Variants in PHKG1 observed in about 807,000 individuals in gnomAD.
The protein encoded by PHKG1 is phosphorylase b kinase gamma catalytic chain, skeletal muscle/heart isoform.
A neutral mutation model predicts 50.5 loss-of-function variants in PHKG1; 48 were observed. The ratio of observed to expected loss-of-function variants is 0.95; its 90% CI spans 0.75 to 1.21. PHKG1 has a LOEUF of 1.21. Ranked by LOEUF, PHKG1 falls within the 50% of genes most tolerant of loss-of-function variation. The pLI is 0.00. For missense variants in PHKG1, 487 were observed against 519.5 expected (o/e 0.94, Z 0.61); for synonymous variants, 204 against 212.8 (o/e 0.96, Z 0.36).
chr7:56,086,161 G>A lies in PHKG1; in HGVS notation c.317+809C>T, dbSNP rs1796240797. On this transcript the variant is annotated intron_variant, in intron 4 of 9. Transcript: ENST00000297373. ...GACCACTCGGTCTAAGGAAGCCCCT[G>A]TCTCTTGCTAACCCCTTGTTCTACT... Among the ~76,000 whole-genome samples the A allele has an allele frequency of 3.3e-5, 5 of 151,534 alleles. No individual in the cohort carries two copies. The Admixed American group carries it at 3.3e-4, about 10-fold the overall frequency.
intron 6 of PHKG1, 23 bp downstream of exon 6, chr7:56,083,255 G>A: frequency 6.2e-7 from 1 of 1,611,394 alleles, no homozygotes. Context: ...GCCTGGACGT[G>A]GGCCAAGGCC....
At chr7:56,089,210 C>T (rs150827180) in intron 1 of PHKG1, among the ~76,000 whole-genome samples, 2,896 of 152,160 alleles carry the variant, frequency 0.019, 54 homozygotes, top group Admixed American at 0.049. Flanking sequence ...TCGAGACCAG[C>T]CTGGCCAACA....
chr7:56,084,136 C>G, intron 4 of PHKG1: 1 of 1,463,622 alleles, frequency 6.8e-7, no homozygotes, highest in Non-Finnish European at 9.2e-7. Context: ...GCTGGTGGCC[C>G]TGTGAGCAGT....
intron 4 of PHKG1, among the ~76,000 whole-genome samples, chr7:56,086,147 C>G (rs1796240326): frequency 6.6e-6 from 1 of 151,594 alleles, no homozygotes; most frequent in Non-Finnish European, 1.5e-5. Context: ...ACCACTCGGT[C>G]TAAGGAAGCC....
At chr7:56,088,803 C>G (rs1796378366) in intron 2 of PHKG1, 56 bp downstream of exon 2, 2 of 1,237,548 alleles carry the variant, frequency 1.6e-6, no homozygotes, top group African/African-American at 2.9e-5. Context: ...TGGCTGTAGC[C>G]CACAGGGTCT....
Position 56,081,808 on chromosome 7 carries a change from A to G in PHKG1, c.793-53T>C, listed in dbSNP as rs1326583246. ...AATGTCAAGGCAGGTCCCCTCCAGC[A>G]TGTCAGGAAAGGCAGGGCCTCCCCG... On this transcript the variant is annotated intron_variant, in intron 8 of 9. Transcript: ENST00000297373. This position sits in a 1 kb window ranked among gnomAD's most constrained non-coding sequence, Gnocchi z 4.6. 4 of 1,608,706 alleles carry G rather than the reference A, an allele frequency of 2.5e-6. No individual in the cohort carries two copies. In the African/African-American group the frequency reaches 5.3e-5, roughly 22 times the overall value.
At position 56,083,623 on chromosome 7, in the gene PHKG1, CGGAGA is replaced by C. The variant is rs530706752; in HGVS notation, c.383+22_383+26del. On this transcript the variant is annotated intron_variant, in intron 5 of 9. Transcript: ENST00000297373. ...TGGCCCTAAGCCACGTGGGAGGGAG[CGGAGA>C]GAAGGGCAAAGGGACCCTCACCTGG... 1.5e-3 allele frequency: 2,343 copies of C among 1,565,030 alleles called. 2 individuals are homozygous for C. The highest frequency in any genetic ancestry group is 1.5e-3 in the Non-Finnish European group (1,738 of 1,147,598).
chr7:56,084,681 C>A (rs1018008768), intron 4 of PHKG1, among the ~76,000 whole-genome samples: 1 of 151,938 alleles, frequency 6.6e-6, no homozygotes, highest in African/African-American at 2.4e-5. Context: ...CCGAGTATCC[C>A]GATTTTTTCC....
rs1331827191 is a variant in PHKG1 at position 56,083,444 on chromosome 7, A to T, written c.384-3T>A. On this transcript the variant is annotated splice_polypyrimidine_tract_variant and splice_region_variant and intron_variant, in intron 5 of 9. Coordinates refer to ENST00000297373, the MANE Select transcript of PHKG1 (RefSeq NM_006213.5). ...CCAGCAGAGCTCGCATGATCTTTCT[A>T]GGGTGGGGCACACACTTGTTACTCT... The T allele has an allele frequency of 6.2e-7, 1 of 1,614,030 alleles. No individual in the cohort carries two copies. Among genetic ancestry groups the T allele is most frequent in the South Asian group, 1.1e-5 (1 of 91,084 alleles).
chr7:56,083,640 G>A lies in PHKG1; in HGVS notation c.383+10C>T, dbSNP rs1244582233. ...GGAGGGAGCGGAGAGAAGGGCAAAG[G>A]GACCCTCACCTGGTTTCCTTCTCAC... On this transcript the variant is annotated intron_variant, in intron 5 of 9. Transcript: ENST00000297373. The A allele has an allele frequency of 6.3e-7, 1 of 1,577,838 alleles. No homozygotes were observed. Among genetic ancestry groups the A allele is most frequent in the Admixed American group, 1.8e-5 (1 of 55,492 alleles).
Position 56,088,845 on chromosome 7 carries a change from A to G in PHKG1, c.83+14T>C, listed in dbSNP as rs1796381153. ...GCCTAGGACAGCACTTCGTGGGGAAAGCTTGGGCTTTACCTGCCCAGGATC... is the reference window on the plus strand; with the variant it reads ...GCCTAGGACAGCACTTCGTGGGGAAGGCTTGGGCTTTACCTGCCCAGGATC... On this transcript the variant is annotated intron_variant, in intron 2 of 9. Transcript: ENST00000297373. The G allele has an allele frequency of 2.5e-6, 4 of 1,599,912 alleles. No individual in the cohort carries two copies. Among genetic ancestry groups the G allele is most frequent in the Non-Finnish European group, 3.4e-6 (4 of 1,168,364 alleles).
At chr7:56,083,587 C>T (rs1007697518) in intron 5 of PHKG1, 63 bp downstream of exon 5, 2 of 1,505,830 alleles carry the variant, frequency 1.3e-6, no homozygotes. Flanking sequence ...CCCCTGAGAC[C>T]CCAGTGCCTG....
chr7:56,084,368 C>T (rs528474314), intron 4 of PHKG1: 84 of 525,328 alleles, frequency 1.6e-4, no homozygotes, highest in African/African-American at 1.2e-3. Flanking sequence ...GTGAGTATCC[C>T]GATTTTTTTT....
intron 1 of PHKG1, among the ~76,000 whole-genome samples, chr7:56,090,947 C>G (rs1675521448): frequency 6.6e-6 from 1 of 152,218 alleles, no homozygotes; most frequent in Admixed American, 6.5e-5. Flanking sequence ...CGTGATGGCT[C>G]ACACCTGTCA....
intron 6 of PHKG1, among the ~76,000 whole-genome samples, 197 bp from the exon 7 acceptor site, chr7:56,082,450 G>T (rs1414516963): frequency 6.6e-6 from 1 of 152,132 alleles, no homozygotes; most frequent in East Asian, 1.9e-4. Flanking sequence ...AAAATTAGCT[G>T]GGCGTGGTGG....
At chr7:56,083,131 GAAA>G (rs914341032) in intron 6 of PHKG1, 144 bp downstream of exon 6, 1 of 621,666 alleles carries the variant, frequency 1.6e-6, no homozygotes, top group Non-Finnish European at 2.7e-6. Context: ...GAAAGAAAAA[GAAA>G]AAAAAATCCC....
At chr7:56,082,078 C>G (rs774364515) in intron 7 of PHKG1, 32 bp from the exon 8 acceptor site, 2 of 1,609,146 alleles carry the variant, frequency 1.2e-6, no homozygotes, top group South Asian at 2.2e-5. Context: ...GCCACTTACC[C>G]AGCGCCAGGG....
chr7:56,087,809 G>T, intron 2 of PHKG1, 33 bp from the exon 3 acceptor site: 1 of 1,583,074 alleles, frequency 6.3e-7, no homozygotes. Flanking sequence ...GCCTCGGGGG[G>T]CCCCTCACCC....
chr7:56,080,913 C>G lies in PHKG1; in HGVS notation c.*141G>C. 5 of 926,090 alleles carry G rather than the reference C, an allele frequency of 5.4e-6. No individual in the cohort carries two copies. Among genetic ancestry groups the G allele is most frequent in the Non-Finnish European group, 8.0e-6 (5 of 625,616 alleles). 57.4% of individuals were successfully genotyped at this position (926,090 alleles called of 1,614,324 possible). ...TTGTGCACAGCCTTTGAGAGGGGAT[C>G]GTGGCCTCAGTTCCAGGGGTTCCTG... On this transcript the variant is annotated 3_prime_UTR_variant, in exon 10 of 10. Transcript: ENST00000297373.
Sources: gnomAD v4.1 joint callset for allele counts (sites outside exome capture counted in the v4.1 genomes callset) on GRCh38, gnomAD v4.1.1 for gene constraint, Gnocchi (gnomAD v3.1) non-coding constraint, MANE v1.5 for transcripts, NCBI Gene and HGNC (gene_info 2026-07-23, HGNC 2026-07-21) for gene names.